The following TTBK2 variants were observed in gnomAD, a reference collection of about 807,000 sequenced individuals.
TTBK2 encodes tau tubulin kinase 2, also known as tau-tubulin kinase 2.
Under a neutral mutation model 110.8 loss-of-function variants are expected in TTBK2, and 28 were observed. That is an observed-to-expected ratio of 0.25 (90% CI 0.19 to 0.35). The LOEUF is 0.35. TTBK2 is among the 10% of genes least tolerant of loss of function. The pLI, the probability that TTBK2 is intolerant of heterozygous loss-of-function variation, is 1.00. For synonymous variants in TTBK2, 532 were observed against 527.3 expected (o/e 1.01, Z -0.12); for missense variants, 1,369 against 1,500.3 (o/e 0.91, Z 1.45).
chr15:42,841,418 C>T (rs1007245303), intron 3 of TTBK2, among the ~76,000 whole-genome samples: 5 of 151,934 alleles, frequency 3.3e-5, no homozygotes, highest in African/African-American at 1.2e-4. Context: ...ACCATATTGC[C>T]CAGGCTGGTC....
At chr15:42,913,308 C>G (rs183833054) in intron 1 of TTBK2, among the ~76,000 whole-genome samples, 1 of 152,122 alleles carries the variant, frequency 6.6e-6, no homozygotes, top group East Asian at 1.9e-4. Flanking sequence ...TTTGGGCAAC[C>G]TGAAATCTCT....
rs146959819 is a variant in TTBK2, at chr15:42,738,739, A to G, written c.*7056T>C. 2 of 152,198 alleles carry G rather than the reference A, an allele frequency of 1.3e-5. No homozygotes were observed. The highest frequency in any genetic ancestry group is 2.9e-5 in the Non-Finnish European group (2 of 68,028). 9.4% of individuals were successfully genotyped at this position (152,198 alleles called of 1,614,324 possible). A position where few individuals can be genotyped will look rare whatever the true frequency, so the allele number is the denominator to read the frequency against. ...ATAATGGACTAAAAAGGAGCTTTTA[A>G]TATTTTAATTTTATTACAGGAAAAC... On this transcript the variant is annotated 3_prime_UTR_variant, in exon 15 of 15. Transcript: ENST00000267890.
rs1009483899 is a variant in TTBK2, at chr15:42,831,034, G to A, written c.292-956C>T. 2.5e-3 allele frequency among the ~76,000 whole-genome samples: 379 copies of A among 151,646 alleles called. 9 individuals carry two copies. In the East Asian group the frequency reaches 0.058, roughly 23 times the overall value. ...AAAAAATGTATATATGTGTGTGTGT[G>A]TGTGTGTGTGTGTGTGTGATCAAGT... is the stretch of plus-strand genomic sequence containing the variant. On this transcript the variant is annotated intron_variant, in intron 4 of 14. Transcript: ENST00000267890.
rs561385491 is a variant in TTBK2, at chr15:42,866,563, T to C, written c.217+6048A>G. On this transcript the variant is annotated intron_variant, in intron 3 of 14. Coordinates refer to ENST00000267890, the MANE Select transcript of TTBK2 (RefSeq NM_173500.4). ...GAACTAAACAATATCATCAATTAAC[T>C]AGATATAACTGACATCTATAGACTA... 3.3e-5 allele frequency among the ~76,000 whole-genome samples: 5 copies of C among 152,318 alleles called. No homozygotes were observed. In the South Asian group the frequency reaches 1.0e-3, roughly 32 times the overall value.
At chr15:42,768,841 T>C (rs1303059405) in intron 13 of TTBK2, among the ~76,000 whole-genome samples, 3 of 152,118 alleles carry the variant, frequency 2.0e-5, no homozygotes, top group African/African-American at 4.8e-5. Context: ...GGAGGCATCA[T>C]ACTACCTGAC....
chr15:42,881,785 C>G (rs542652989), intron 1 of TTBK2, among the ~76,000 whole-genome samples: 98 of 151,898 alleles, frequency 6.5e-4, no homozygotes, highest in African/African-American at 2.3e-3. Flanking sequence ...GCAGGAGAAT[C>G]GCTTGAACCC....
At chr15:42,849,827 C>A (rs1258739537) in intron 3 of TTBK2, among the ~76,000 whole-genome samples, 1 of 152,174 alleles carries the variant, frequency 6.6e-6, no homozygotes. Context: ...CATGCATGCA[C>A]AGATTGGAGG....
chr15:42,754,272 G>C (rs1033215997), intron 13 of TTBK2, among the ~76,000 whole-genome samples: 1 of 151,860 alleles, frequency 6.6e-6, no homozygotes, highest in Non-Finnish European at 1.5e-5. Flanking sequence ...TGTAGAGATG[G>C]GGTGTCACCT....
intron 13 of TTBK2, among the ~76,000 whole-genome samples, chr15:42,767,153 T>C (rs1889419178): frequency 6.6e-6 from 1 of 152,184 alleles, no homozygotes; most frequent in Non-Finnish European, 1.5e-5. Flanking sequence ...GGGAAATTTA[T>C]AGTACTAAAT....
At chr15:42,853,237 T>C (rs1200758613) in intron 3 of TTBK2, among the ~76,000 whole-genome samples, 1 of 151,262 alleles carries the variant, frequency 6.6e-6, no homozygotes, top group Non-Finnish European at 1.5e-5. Context: ...AAGGCAAAAA[T>C]AAAATCCAGG....
chr15:42,739,980 A>G lies in TTBK2; in HGVS notation c.*5815T>C, dbSNP rs1484909404. The stretch of plus-strand genomic sequence containing the variant: ...TCAATGTTTTTAATTAGGCGAGTGA[A>G]CACTTATGTACATAATATTAAATAA... On this transcript the variant is annotated 3_prime_UTR_variant, in exon 15 of 15. Coordinates refer to ENST00000267890, the MANE Select transcript of TTBK2 (RefSeq NM_173500.4). 1.3e-5 allele frequency: 2 copies of G among 152,230 alleles called. No individual in the cohort carries two copies. Among genetic ancestry groups the G allele is most frequent in the African/African-American group, 4.8e-5 (2 of 41,456 alleles). The allele number at this position is 152,230 out of a possible 1,614,324, so 9.4% of individuals were successfully genotyped here. A position where few individuals can be genotyped will look rare whatever the true frequency, so the allele number is the denominator to read the frequency against.
At chr15:42,771,872 C>A (rs969246220) in intron 13 of TTBK2, among the ~76,000 whole-genome samples, 1 of 152,160 alleles carries the variant, frequency 6.6e-6, no homozygotes, top group African/African-American at 2.4e-5. Flanking sequence ...CCAAGTCTAG[C>A]CTACCAGCGT....
intron 1 of TTBK2, among the ~76,000 whole-genome samples, chr15:42,920,128 A>G (rs1482480844): frequency 6.6e-6 from 1 of 152,154 alleles, no homozygotes; most frequent in Non-Finnish European, 1.5e-5. Flanking sequence ...CATGGGTACA[A>G]GTGATATGTG....
At chr15:42,909,043 A>G (rs1182567632) in intron 1 of TTBK2, among the ~76,000 whole-genome samples, 4 of 152,238 alleles carry the variant, frequency 2.6e-5, no homozygotes, top group Non-Finnish European at 5.9e-5. Flanking sequence ...CTACTGGGCT[A>G]AAGCTCTAGG....
chr15:42,886,533 G>A (rs1389284213), intron 1 of TTBK2, among the ~76,000 whole-genome samples: 2 of 152,140 alleles, frequency 1.3e-5, no homozygotes, highest in African/African-American at 4.8e-5. Context: ...CGGGCCAGAG[G>A]CTGCCTTATT....
intron 10 of TTBK2, among the ~76,000 whole-genome samples, chr15:42,784,103 A>C (rs540560159): frequency 1.3e-5 from 2 of 151,972 alleles, no homozygotes; most frequent in Non-Finnish European, 2.9e-5. Flanking sequence ...AAGAAAAAAA[A>C]AACTTAGGTC....
At position 42,745,432 on chromosome 15, in the gene TTBK2, T is replaced by C. The variant is rs1328644160; in HGVS notation, c.*363A>G. The C allele has an allele frequency of 3.5e-6, 1 of 282,458 alleles. No homozygotes were observed. The highest frequency in any genetic ancestry group is 2.2e-5 in the African/African-American group (1 of 45,436). 17.5% of individuals were successfully genotyped at this position (282,458 alleles called of 1,614,324 possible). On this transcript the variant is annotated 3_prime_UTR_variant, in exon 15 of 15. Transcript: ENST00000267890. ...AAGAAGTTTCACTTTTGCTATATAA[T>C]CTTTGAATTGAGGCTTAAAAAAATT...
Position 42,920,495 on chromosome 15 carries a change from G to C in TTBK2, c.-125C>G, listed in dbSNP as rs1428784964. On this transcript the variant is annotated 5_prime_UTR_variant, in exon 1 of 15. Transcript: ENST00000267890. Reference sequence around the variant, plus strand: ...GAGGGCTCTGGTCCAGCTCAGGACCGGGACCGGCGGGGGTTAACCCTCGGC... The same window carrying C: ...GAGGGCTCTGGTCCAGCTCAGGACCCGGACCGGCGGGGGTTAACCCTCGGC... 1 of 152,526 alleles carries C rather than the reference G, an allele frequency of 6.6e-6. No homozygotes were observed. The highest frequency in any genetic ancestry group is 1.9e-4 in the East Asian group (1 of 5,204). The allele number at this position is 152,526 out of a possible 1,614,324, so 9.4% of individuals were successfully genotyped here. A position where few individuals can be genotyped will look rare whatever the true frequency, so the allele number is the denominator to read the frequency against.
chr15:42,771,128 C>G (rs140656577), intron 13 of TTBK2, among the ~76,000 whole-genome samples: 3 of 152,020 alleles, frequency 2.0e-5, no homozygotes, highest in African/African-American at 4.8e-5. Context: ...GTGCTGCCAC[C>G]ACGCCTGGCT....
Sources: allele counts gnomAD v4.1 joint callset (sites outside exome capture counted in the v4.1 genomes callset), GRCh38; gene constraint gnomAD v4.1.1; transcripts MANE v1.5; gene names NCBI Gene and HGNC (gene_info 2026-07-23, HGNC 2026-07-21).